The following SYNE2 variants were observed in gnomAD, a reference collection of about 807,000 sequenced individuals.
SYNE2 encodes the protein spectrin repeat containing nuclear envelope protein 2.
In SYNE2, 431 loss-of-function variants were observed where a neutral mutation model predicts 856.3. The observed-to-expected ratio is 0.50, with a 90% CI of 0.47 to 0.55. SYNE2 has a LOEUF of 0.55. Among genes scored for constraint, SYNE2 ranks in the 20% least tolerant of loss-of-function variants. The probability of loss-of-function intolerance (pLI) is 0.00; values close to 1 mark genes in which losing one functional copy is unlikely to be tolerated. For synonymous variants in SYNE2, 2,923 were observed against 2,872.3 expected (o/e 1.02, Z -0.56); for missense variants, 8,129 against 8,023.2 (o/e 1.01, Z -0.50).
chr14:64,008,283 T>A (rs2096815556), intron 31 of SYNE2, among the ~76,000 whole-genome samples: 1 of 152,240 alleles, frequency 6.6e-6, no homozygotes, highest in Non-Finnish European at 1.5e-5. Flanking sequence ...GATCCTTAGC[T>A]TAATCACCTC....
At chr14:63,990,736 T>C (rs533480804) in intron 20 of SYNE2, among the ~76,000 whole-genome samples, 167 bp downstream of exon 20, 5 of 152,208 alleles carry the variant, frequency 3.3e-5, no homozygotes, top group African/African-American at 1.2e-4. Flanking sequence ...TCAGAAAATA[T>C]AAGTATCATA....
At chr14:64,134,688 C>T (rs534037864) in intron 78 of SYNE2, among the ~76,000 whole-genome samples, 69 of 152,208 alleles carry the variant, frequency 4.5e-4, no homozygotes, top group African/African-American at 1.6e-3. Flanking sequence ...ATTATAAAAA[C>T]ATCTCAGGCC....
intron 1 of SYNE2, among the ~76,000 whole-genome samples, chr14:63,897,194 A>G: frequency 6.6e-6 from 1 of 152,208 alleles, no homozygotes; most frequent in East Asian, 1.9e-4. Context: ...TGGAGATTGC[A>G]GTGAGCTGAG....
chr14:64,183,461 A>G (rs1256349605), intron 96 of SYNE2, among the ~76,000 whole-genome samples: 1 of 150,646 alleles, frequency 6.6e-6, no homozygotes, highest in South Asian at 2.1e-4. Flanking sequence ...GGCTCCTCAC[A>G]TCCCAGACGA....
rs1423578382 is a variant in SYNE2 at position 64,086,734 on chromosome 14, G to T, written c.11485-937G>T. ...TTTTTTTTTTTTTTTTTTTGAGATG[G>T]TGTCTTGCTCTGTCACCCAGGCTGG... On this transcript the variant is annotated intron_variant, in intron 57 of 115. Coordinates refer to ENST00000555002, the MANE Select transcript of SYNE2 (RefSeq NM_182914.3). 5.8e-5 allele frequency among the ~76,000 whole-genome samples: 6 copies of T among 103,162 alleles called. No individual in the cohort carries two copies. In the East Asian group the frequency reaches 1.8e-3, roughly 31 times the overall value. 67.7% of individuals were successfully genotyped at this position (103,162 alleles called of 152,430 possible).
chr14:64,014,453 G>A (rs906314873), intron 32 of SYNE2, among the ~76,000 whole-genome samples: 1 of 152,082 alleles, frequency 6.6e-6, no homozygotes, highest in African/African-American at 2.4e-5. Context: ...TTTTGATGGA[G>A]TCTTGCTCTG....
At chr14:63,989,831 G>A (rs2096653683) in intron 19 of SYNE2, among the ~76,000 whole-genome samples, 1 of 151,720 alleles carries the variant, frequency 6.6e-6, no homozygotes, top group African/African-American at 2.4e-5. Context: ...TGTATTTTTA[G>A]TAGAGATGGG....
rs1209719277 is a variant in SYNE2, at chr14:63,940,182, AT to A, written c.80-431del. On this transcript the variant is annotated intron_variant, in intron 2 of 115. Transcript: ENST00000555002. ...AGCCTTGACTTCCTGGGCTCAAGCC[AT>A]CTTCCCCCCTCACAGGTTCATGCCA... 4.7e-5 allele frequency among the ~76,000 whole-genome samples: 7 copies of A among 148,964 alleles called. No individual in the cohort carries two copies. The East Asian group carries it at 1.4e-3, about 29-fold the overall frequency.
intron 96 of SYNE2, among the ~76,000 whole-genome samples, chr14:64,181,112 C>G (rs2098455975): frequency 6.7e-6 from 1 of 149,608 alleles, no homozygotes; most frequent in Non-Finnish European, 1.5e-5. Context: ...TTTTTTTTTC[C>G]TATTTTTCCT....
chr14:63,778,060 C>T (rs1429086803), intron 1 of SYNE2, among the ~76,000 whole-genome samples: 1 of 152,172 alleles, frequency 6.6e-6, no homozygotes, highest in Non-Finnish European at 1.5e-5. Context: ...GGCTTTATGT[C>T]ACCACCCAAA....
At chr14:64,084,045 T>C (rs1419923878) in intron 57 of SYNE2, among the ~76,000 whole-genome samples, 1 of 152,072 alleles carries the variant, frequency 6.6e-6, no homozygotes, top group African/African-American at 2.4e-5. Context: ...CTGCCTCAGC[T>C]TCCCCAGTAG....
chr14:64,100,514 CAAAAAA>C (rs35489245), intron 63 of SYNE2, among the ~76,000 whole-genome samples: 29 of 23,756 alleles, frequency 1.2e-3, no homozygotes, highest in African/African-American at 4.2e-3. Flanking sequence ...AAAACTGTCT[CAAAAAA>C]AAAAAAAAAA....
At chr14:64,127,135 C>CCTGT (rs951316831) in intron 73 of SYNE2, among the ~76,000 whole-genome samples, 16 of 152,228 alleles carry the variant, frequency 1.1e-4, no homozygotes, top group Admixed American at 3.3e-4. Flanking sequence ...GTGGTGTGTG[C>CCTGT]CTGTAATCCC....
chr14:64,221,406 TTCC>T (rs2098693407), intron 111 of SYNE2, 167 bp from the exon 112 acceptor site: 1 of 1,209,026 alleles, frequency 8.3e-7, no homozygotes, highest in African/African-American at 1.5e-5. Flanking sequence ...TTCTTTCCTC[TTCC>T]TCATTTTGGG....
intron 1 of SYNE2, among the ~76,000 whole-genome samples, chr14:63,889,732 C>G (rs981762153): frequency 6.6e-6 from 1 of 152,050 alleles, no homozygotes; most frequent in South Asian, 2.1e-4. Flanking sequence ...CCCACCTTGG[C>G]CTCCTAAAAT....
At position 64,219,273 on chromosome 14, in the gene SYNE2, A is replaced by C; in HGVS notation, c.19723A>C (p.Asn6575His). The C allele has an allele frequency of 6.2e-7, 1 of 1,614,070 alleles. No homozygotes were observed. The highest frequency in any genetic ancestry group is 1.1e-5 in the South Asian group (1 of 91,082). ...ELHNKLKIKQNLQQLNSDISA... is the reference protein window; with the variant it reads ...ELHNKLKIKQHLQQLNSDISA... The stretch of plus-strand genomic sequence containing the variant: ...TCACAATAAGCTCAAAATAAAACAA[A>C]ATTTGCAACAGCTGAACTCTGATAT... Residue 6575 changes from asparagine (N) to histidine (H), a missense_variant, in exon 110 of 116, where the codon AAT (asparagine) becomes CAT (histidine). Coordinates refer to ENST00000555002, the MANE Select transcript of SYNE2 (RefSeq NM_182914.3).
At chr14:63,882,573 A>T (rs2140691584) in intron 1 of SYNE2, among the ~76,000 whole-genome samples, 2 of 152,056 alleles carry the variant, frequency 1.3e-5, no homozygotes, top group East Asian at 3.9e-4. Context: ...AAAAAAAAAA[A>T]AATTAGCTGG....
chr14:64,129,808 G>A lies in SYNE2; in HGVS notation c.14046G>A (p.Leu4682=). The change falls in exon 75 of 116, where the codon CTG becomes CTA. Residue 4682 remains leucine, a synonymous_variant. Coordinates refer to ENST00000555002, the MANE Select transcript of SYNE2 (RefSeq NM_182914.3). ...AAGCAGATGCATATACAGTGGAGCTGGAGAACGCCGAGAGCCGAGTGGCCA... is the reference window on the plus strand; with the variant it reads ...AAGCAGATGCATATACAGTGGAGCTAGAGAACGCCGAGAGCCGAGTGGCCA... ...LQKADAYTVE[L]ENAESRVAKL... 2 of 1,614,174 alleles carry A rather than the reference G, an allele frequency of 1.2e-6. No individual in the cohort carries two copies. Among genetic ancestry groups the A allele is most frequent in the Non-Finnish European group, 1.7e-6 (2 of 1,180,034 alleles).
chr14:63,800,582 A>G (rs922737284), intron 1 of SYNE2, among the ~76,000 whole-genome samples: 1 of 152,074 alleles, frequency 6.6e-6, no homozygotes, highest in Non-Finnish European at 1.5e-5. Flanking sequence ...GAGCCACCGC[A>G]CCCAGCCATA....
Sources: gnomAD v4.1 joint callset for allele counts (sites outside exome capture counted in the v4.1 genomes callset) on GRCh38, gnomAD v4.1.1 for gene constraint, MANE v1.5 for transcripts, NCBI Gene and HGNC (gene_info 2026-07-23, HGNC 2026-07-21) for gene names.